PHC2: variants seen among roughly 807,000 people sequenced by gnomAD.
The protein encoded by PHC2 is polyhomeotic-like protein 2.
Under a neutral mutation model 87.4 loss-of-function variants are expected in PHC2, and 29 were observed. That is an observed-to-expected ratio of 0.33 (90% CI 0.25 to 0.45). PHC2 has a LOEUF of 0.45. PHC2 is among the 20% of genes least tolerant of loss of function. The probability of loss-of-function intolerance (pLI) is 1.00; values close to 1 mark genes in which losing one functional copy is unlikely to be tolerated. For synonymous variants in PHC2, 438 were observed against 461.7 expected (o/e 0.95, Z 0.66); for missense variants, 857 against 1,136.7 (o/e 0.75, Z 3.54).
At chr1:33,329,545 G>A (rs1405848211) in intron 13 of PHC2, among the ~76,000 whole-genome samples, 2 of 152,188 alleles carry the variant, frequency 1.3e-5, no homozygotes, top group South Asian at 2.1e-4. Flanking sequence ...ACACCATGCT[G>A]TGGAGTTCCT....
chr1:33,411,963 T>C (rs370441384), intron 1 of PHC2, among the ~76,000 whole-genome samples: 4 of 152,196 alleles, frequency 2.6e-5, no homozygotes, highest in African/African-American at 9.6e-5. Flanking sequence ...CCTCAATCTC[T>C]TAAAGGATAT....
intron 1 of PHC2, among the ~76,000 whole-genome samples, chr1:33,408,778 T>G (rs1649869207): frequency 6.6e-6 from 1 of 152,116 alleles, no homozygotes; most frequent in East Asian, 1.9e-4. Context: ...TTTTAGTAGG[T>G]TTTAAGTATA....
chr1:33,400,516 A>C (rs1229521486), intron 1 of PHC2, among the ~76,000 whole-genome samples: 3 of 152,246 alleles, frequency 2.0e-5, no homozygotes, highest in African/African-American at 7.2e-5. Flanking sequence ...TATCTCATTT[A>C]ATCTTCACAC....
intron 1 of PHC2, among the ~76,000 whole-genome samples, chr1:33,404,710 C>T (rs1220585498): frequency 6.6e-6 from 1 of 152,142 alleles, no homozygotes; most frequent in African/African-American, 2.4e-5. Context: ...AGATAAAGAT[C>T]CTACTCTGAT....
rs6693474 is a variant in PHC2, at chr1:33,373,014, A to G, written c.175-567T>C. Among the ~76,000 whole-genome samples, 479 of 152,374 alleles carry G rather than the reference A, an allele frequency of 3.1e-3. 1 individual carries two copies. The highest frequency in any genetic ancestry group is 0.011 in the African/African-American group (449 of 41,598). ...CAAGGCAGACTTGGGGCTGCTCCCC[A>G]GCTCTGCCCACAGCCTCTCAGAGTC... On this transcript the variant is annotated intron_variant, in intron 2 of 14. Coordinates refer to ENST00000683057, the MANE Select transcript of PHC2 (RefSeq NM_001385109.1).
At chr1:33,408,536 C>T (rs1649857354) in intron 1 of PHC2, among the ~76,000 whole-genome samples, 2 of 152,202 alleles carry the variant, frequency 1.3e-5, no homozygotes, top group Admixed American at 1.3e-4. Flanking sequence ...TCTCGGCTCA[C>T]TGCAACCTCC....
chr1:33,419,999 G>A (rs1570516111), intron 1 of PHC2, among the ~76,000 whole-genome samples: 1 of 151,948 alleles, frequency 6.6e-6, no homozygotes, highest in Non-Finnish European at 1.5e-5. Context: ...AATCACATCT[G>A]CAAATATTCC....
chr1:33,326,930 T>C (rs189465331), intron 14 of PHC2, among the ~76,000 whole-genome samples: 142 of 152,258 alleles, frequency 9.3e-4, no homozygotes, highest in African/African-American at 3.2e-3. Context: ...GCCTGGGTGA[T>C]GGAGCAAGCC....
rs1183273704 is a variant in PHC2, at chr1:33,328,863, G to A, written c.2425+7C>T. Reference sequence around the variant, plus strand: ...CCGGGGAGACATGGAATTTCCAAGGGCCTTACCTGGCAGAGAGCGGATGAA... The same window carrying A: ...CCGGGGAGACATGGAATTTCCAAGGACCTTACCTGGCAGAGAGCGGATGAA... On this transcript the variant is annotated splice_region_variant and intron_variant, in intron 14 of 14. Transcript: ENST00000683057. The A allele has an allele frequency of 1.3e-6, 2 of 1,599,628 alleles. No individual in the cohort carries two copies. Among genetic ancestry groups the A allele is most frequent in the Admixed American group, 1.7e-5 (1 of 59,676 alleles).
chr1:33,338,929 C>T, intron 9 of PHC2, among the ~76,000 whole-genome samples: 1 of 152,110 alleles, frequency 6.6e-6, no homozygotes, highest in Non-Finnish European at 1.5e-5. Flanking sequence ...CCACAAAGGG[C>T]CAAGTATTCC....
At chr1:33,366,914 A>G (rs1430976868) in intron 7 of PHC2, among the ~76,000 whole-genome samples, 1 of 152,214 alleles carries the variant, frequency 6.6e-6, no homozygotes, top group Non-Finnish European at 1.5e-5. Context: ...TCCAACTAAC[A>G]TGGCTGCCCT....
At chr1:33,325,897 T>A (rs2148178036) in intron 14 of PHC2, 1 of 456,652 alleles carries the variant, frequency 2.2e-6, no homozygotes, top group South Asian at 1.5e-5. Flanking sequence ...AGCGTGAGTG[T>A]CTAAGGTGCT....
intron 6 of PHC2, 100 bp from the exon 7 acceptor site, chr1:33,367,528 A>T (rs955998208): frequency 1.1e-6 from 1 of 928,146 alleles, no homozygotes; most frequent in Non-Finnish European, 1.6e-6. Context: ...ATGGCTGAAT[A>T]GAACAGGAGG....
rs143268293 is a variant in PHC2, at chr1:33,401,379, A to T, written c.-54-25786T>A. ...TCTAAAATATATATGGAAATGCAAA[A>T]GACCAAGAATAGGCAGATCACTCCT... On this transcript the variant is annotated intron_variant, in intron 1 of 14. Coordinates refer to ENST00000683057, the MANE Select transcript of PHC2 (RefSeq NM_001385109.1). 3.9e-5 allele frequency among the ~76,000 whole-genome samples: 6 copies of T among 152,338 alleles called. No individual in the cohort carries two copies. In the East Asian group the frequency reaches 7.7e-4, roughly 20 times the overall value.
At chr1:33,340,585 C>A (rs1259921098) in intron 9 of PHC2, among the ~76,000 whole-genome samples, 2 of 152,224 alleles carry the variant, frequency 1.3e-5, no homozygotes, top group Non-Finnish European at 2.9e-5. Context: ...CCACGCTTTA[C>A]AATTTCTTTG....
At position 33,330,165 on chromosome 1, in the gene PHC2, C is replaced by T. The variant is rs201777764; in HGVS notation, c.2054G>A (p.Arg685Gln). ...TKRVGLFHSD[R>Q]SKLQKAGAAT... The stretch of plus-strand genomic sequence containing the variant: ...AGCTCCTGCCTTCTGCAGCTTGCTC[C>T]GGTCTGAGTGGAAAAGTCCCACCCG... Residue 685 changes from arginine to glutamine, a missense_variant, in exon 13 of 15, where the codon CGG becomes CAG. This residue lies in a region of PHC2 where 832 missense variants were observed against 1,081.8 expected (regional missense o/e 0.77). Coordinates refer to ENST00000683057, the MANE Select transcript of PHC2 (RefSeq NM_001385109.1). 32 of 1,614,190 alleles carry T rather than the reference C, an allele frequency of 2.0e-5. No individual in the cohort carries two copies. The highest frequency in any genetic ancestry group is 2.5e-5 in the Non-Finnish European group (29 of 1,180,032).
At chr1:33,380,149 TCTCA>T (rs1411097689) in intron 1 of PHC2, among the ~76,000 whole-genome samples, 3 of 152,352 alleles carry the variant, frequency 2.0e-5, no homozygotes, top group South Asian at 4.1e-4. Context: ...CTGCTCTCTC[TCTCA>T]ATCACTTATG....
Position 33,332,789 on chromosome 1 carries a change from C to T in PHC2, c.1762-385G>A, listed in dbSNP as rs141693980. The stretch of plus-strand genomic sequence containing the variant: ...CGGAGTCTGTGTGAGGCTGTACATA[C>T]GAGAGAGAGACTCAGCACCCATTTT... On this transcript the variant is annotated intron_variant, in intron 10 of 14. Coordinates refer to ENST00000683057, the MANE Select transcript of PHC2 (RefSeq NM_001385109.1). The surrounding 1 kb of genome is among the most constrained non-coding windows in gnomAD (Gnocchi z 4.2). Among the ~76,000 whole-genome samples the T allele has an allele frequency of 3.6e-4, 55 of 152,216 alleles. No homozygotes were observed. Among genetic ancestry groups the T allele is most frequent in the East Asian group, 5.8e-4 (3 of 5,174 alleles).
chr1:33,407,437 C>A (rs1228887579), intron 1 of PHC2, among the ~76,000 whole-genome samples: 1 of 152,202 alleles, frequency 6.6e-6, no homozygotes, highest in African/African-American at 2.4e-5. Context: ...CCAGAAACCA[C>A]TACTAGTATG....
Sources: allele counts gnomAD v4.1 joint callset (sites outside exome capture counted in the v4.1 genomes callset), GRCh38; gene constraint gnomAD v4.1.1; regional missense constraint gnomAD v4.1.1; non-coding constraint Gnocchi (gnomAD v3.1); transcripts MANE v1.5; gene names NCBI Gene and HGNC (gene_info 2026-07-23, HGNC 2026-07-21).